THSD7A: variants seen among roughly 807,000 people sequenced by gnomAD.
The protein encoded by THSD7A is thrombospondin type-1 domain-containing protein 7A.
THSD7A carries 96 observed loss-of-function variants against 231.3 expected under a neutral mutation model. The ratio of observed to expected loss-of-function variants is 0.41; its 90% CI spans 0.35 to 0.49. The LOEUF (loss-of-function observed/expected upper bound fraction) is 0.49. THSD7A is among the 20% of genes least tolerant of loss of function. THSD7A has a pLI of 0.05. For synonymous variants in THSD7A, 940 were observed against 743.3 expected (o/e 1.26, Z -4.30); for missense variants, 2,290 against 2,070.2 (o/e 1.11, Z -2.06).
chr7:11,760,166 A>G (rs1220891293), intron 1 of THSD7A, among the ~76,000 whole-genome samples: 1 of 152,084 alleles, frequency 6.6e-6, no homozygotes, highest in African/African-American at 2.4e-5. Flanking sequence ...GTATCCACTG[A>G]AAGAATTGTA....
chr7:11,588,384 C>T (rs1053951719), intron 4 of THSD7A, among the ~76,000 whole-genome samples: 13 of 151,960 alleles, frequency 8.6e-5, no homozygotes, highest in African/African-American at 2.7e-4. Context: ...TTAAGAAGTT[C>T]GTTAGTATTC....
chr7:11,399,058 A>G (rs1783300585), intron 23 of THSD7A, among the ~76,000 whole-genome samples: 1 of 152,132 alleles, frequency 6.6e-6, no homozygotes, highest in Admixed American at 6.5e-5. Flanking sequence ...AGGCCTTCCA[A>G]AAGGGTTTTG....
At chr7:11,537,897 G>A (rs1425261461) in intron 6 of THSD7A, among the ~76,000 whole-genome samples, 1 of 152,188 alleles carries the variant, frequency 6.6e-6, no homozygotes, top group East Asian at 1.9e-4. Flanking sequence ...GCCTTCTTCA[G>A]CATTACTAGA....
intron 17 of THSD7A, 139 bp downstream of exon 17, chr7:11,417,311 G>A (rs986666419): frequency 7.6e-6 from 6 of 790,596 alleles, no homozygotes; most frequent in Non-Finnish European, 1.2e-5. Flanking sequence ...TGGCAGAGAA[G>A]ACACACCTTG....
chr7:11,415,598 T>G (rs1016591228), intron 17 of THSD7A, among the ~76,000 whole-genome samples: 1 of 152,174 alleles, frequency 6.6e-6, no homozygotes, highest in African/African-American at 2.4e-5. Flanking sequence ...TCTTCGAACA[T>G]TCACCTTACC....
At chr7:11,451,746 C>T (rs1483553488) in intron 11 of THSD7A, among the ~76,000 whole-genome samples, 1 of 151,938 alleles carries the variant, frequency 6.6e-6, no homozygotes, top group Non-Finnish European at 1.5e-5. Context: ...GTTATGCATA[C>T]ATGGATGTGT....
At chr7:11,527,026 A>G (rs1788503883) in intron 6 of THSD7A, among the ~76,000 whole-genome samples, 1 of 152,096 alleles carries the variant, frequency 6.6e-6, no homozygotes, top group African/African-American at 2.4e-5. Context: ...CAATGATTAA[A>G]CCAGTTTGTT....
chr7:11,427,493 A>G (rs1475412093), intron 14 of THSD7A, among the ~76,000 whole-genome samples: 1 of 152,180 alleles, frequency 6.6e-6, no homozygotes, highest in Non-Finnish European at 1.5e-5. Flanking sequence ...TAGGAATAGC[A>G]AAGACAACTT....
At chr7:11,620,856 T>C (rs566313813) in intron 2 of THSD7A, among the ~76,000 whole-genome samples, 1 of 152,168 alleles carries the variant, frequency 6.6e-6, no homozygotes, top group Non-Finnish European at 1.5e-5. Context: ...ATGTCCCCGA[T>C]AGACAATAAA....
At chr7:11,479,109 G>A (rs1003970387) in intron 7 of THSD7A, among the ~76,000 whole-genome samples, 12 of 152,124 alleles carry the variant, frequency 7.9e-5, no homozygotes, top group African/African-American at 2.9e-4. Context: ...AGGACAAATT[G>A]CCCTGTAGAG....
Position 11,632,368 on chromosome 7 carries a change from CT to C in THSD7A, c.1022+3761del. Among the ~76,000 whole-genome samples, 1 of 152,044 alleles carries C rather than the reference CT, an allele frequency of 6.6e-6. No individual in the cohort carries two copies. Among genetic ancestry groups the C allele is most frequent in the Non-Finnish European group, 1.5e-5 (1 of 67,988 alleles). On this transcript the variant is annotated intron_variant, in intron 2 of 27. Coordinates refer to ENST00000423059, the MANE Select transcript of THSD7A (RefSeq NM_015204.3). The surrounding 1 kb of genome is among the most constrained non-coding windows in gnomAD (Gnocchi z 4.1). ...CCTTTTGCAAATGAGATATTTTAATCTTTTTCCCCATTATAATATTTAATTT... is the reference window on the plus strand; with the variant it reads ...CCTTTTGCAAATGAGATATTTTAATCTTTTCCCCATTATAATATTTAATTT...
intron 1 of THSD7A, among the ~76,000 whole-genome samples, chr7:11,712,172 T>C (rs748971838): frequency 2.6e-5 from 4 of 151,010 alleles, no homozygotes; most frequent in Non-Finnish European, 4.5e-5. Context: ...GTACAAACCA[T>C]AAATTTACCC....
At chr7:11,706,114 G>C (rs771583655) in intron 1 of THSD7A, among the ~76,000 whole-genome samples, 2 of 150,888 alleles carry the variant, frequency 1.3e-5, no homozygotes, top group Admixed American at 6.6e-5. Flanking sequence ...ATTCCAGAAA[G>C]TTTGCTATTC....
chr7:11,708,415 C>T (rs962596166), intron 1 of THSD7A, among the ~76,000 whole-genome samples: 2 of 150,570 alleles, frequency 1.3e-5, no homozygotes, highest in Non-Finnish European at 3.0e-5. Context: ...TTATTTATTG[C>T]TTGCTTTTTA....
At chr7:11,829,322 T>C (rs1452317514) in intron 1 of THSD7A, among the ~76,000 whole-genome samples, 2 of 152,118 alleles carry the variant, frequency 1.3e-5, no homozygotes. Flanking sequence ...ATCTGACATA[T>C]GCATTCATAT....
At chr7:11,439,402 C>T (rs761872845) in intron 13 of THSD7A, among the ~76,000 whole-genome samples, 9 of 151,884 alleles carry the variant, frequency 5.9e-5, no homozygotes, top group East Asian at 1.9e-4. Flanking sequence ...TTTGTGTCTC[C>T]GTGTCACATT....
chr7:11,582,928 T>A (rs76929995), intron 4 of THSD7A, among the ~76,000 whole-genome samples: 1 of 81,130 alleles, frequency 1.2e-5, no homozygotes, highest in Non-Finnish European at 2.4e-5. Flanking sequence ...TATATCTGTG[T>A]TTTTTTTTAC....
chr7:11,680,440 G>C (rs1449268513), intron 1 of THSD7A, among the ~76,000 whole-genome samples: 1 of 152,082 alleles, frequency 6.6e-6, no homozygotes, highest in East Asian at 1.9e-4. Context: ...GAAAATTTTT[G>C]CAATGTATCC....
At chr7:11,671,545 G>A (rs1310868633) in intron 1 of THSD7A, among the ~76,000 whole-genome samples, 3 of 152,140 alleles carry the variant, frequency 2.0e-5, no homozygotes, top group Non-Finnish European at 2.9e-5. Context: ...TTGTCGTGAA[G>A]TCCATTTAGA....
Sources: gnomAD v4.1 joint callset for allele counts (sites outside exome capture counted in the v4.1 genomes callset) on GRCh38, gnomAD v4.1.1 for gene constraint, Gnocchi (gnomAD v3.1) non-coding constraint, MANE v1.5 for transcripts, NCBI Gene and HGNC (gene_info 2026-07-23, HGNC 2026-07-21) for gene names.